CLIC2: variants seen among roughly 807,000 people sequenced by gnomAD.
The protein encoded by CLIC2 is chloride intracellular channel protein 2.
CLIC2 carries 9 observed loss-of-function variants against 14.8 expected under a neutral mutation model. The observed-to-expected ratio is 0.61, with a 90% CI of 0.37 to 1.06. The LOEUF (loss-of-function observed/expected upper bound fraction) is 1.06. Among genes scored for constraint, CLIC2 ranks in the 50% least tolerant of loss-of-function variants. The pLI is 0.01. For synonymous variants in CLIC2, 61 were observed against 66.3 expected (o/e 0.92, Z 0.39); for missense variants, 148 against 181.4 (o/e 0.82, Z 1.06).
Position 155,326,303 on chromosome X carries a change from C to T in CLIC2, c.57+8068G>A, listed in dbSNP as rs1373752758. Among the ~76,000 whole-genome samples the T allele has an allele frequency of 2.7e-5, 3 of 111,659 alleles. No homozygotes were observed. In the East Asian group the frequency reaches 8.4e-4, roughly 31 times the overall value. ...AAAATGAGCAAAGGACATGGACAGA[C>T]ATTGCACTGAAGAGGACATGCAGAT... On this transcript the variant is annotated intron_variant, in intron 1 of 5. Transcript: ENST00000369449.
At chrX:155,324,802 G>A (rs1261320291) in intron 1 of CLIC2, among the ~76,000 whole-genome samples, 7 of 111,799 alleles carry the variant, frequency 6.3e-5, no homozygotes, top group Admixed American at 9.5e-5. Flanking sequence ...CATGGCAAAA[G>A]AAACTGTCAT....
chrX:155,328,196 C>T (rs1313644366), intron 1 of CLIC2, among the ~76,000 whole-genome samples: 3 of 110,815 alleles, frequency 2.7e-5, no homozygotes, highest in African/African-American at 9.8e-5. Context: ...AAAAGGCTTC[C>T]AAATTGGAAA....
At chrX:155,305,116 A>T (rs1557319829) in intron 1 of CLIC2, among the ~76,000 whole-genome samples, 3 of 111,829 alleles carry the variant, frequency 2.7e-5, no homozygotes, top group African/African-American at 9.7e-5. Flanking sequence ...ACCCAGTTCG[A>T]GCTTCTGGGC....
intron 3 of CLIC2, chrX:155,292,725 G>T (rs5940667): frequency 0.03 from 11,981 of 394,905 alleles, 240 homozygotes; most frequent in African/African-American, 0.063. Flanking sequence ...AGCCGAGATC[G>T]CGCCACTGCA....
chrX:155,292,584 C>A (rs1175956669), intron 3 of CLIC2: 2 of 361,416 alleles, frequency 5.5e-6, no homozygotes, highest in Admixed American at 4.7e-5. Flanking sequence ...TCCTGGCTAA[C>A]ACGGTGAAAC....
At position 155,277,736 on chromosome X, in the gene CLIC2, C is replaced by A; in HGVS notation, c.*167G>T. The A allele has an allele frequency of 2.2e-6, 1 of 458,623 alleles. No individual in the cohort carries two copies. Among genetic ancestry groups the A allele is most frequent in the Non-Finnish European group, 3.7e-6 (1 of 269,466 alleles). 37.8% of individuals were successfully genotyped at this position (458,623 alleles called of 1,213,427 possible). On this transcript the variant is annotated 3_prime_UTR_variant, in exon 6 of 6. Transcript: ENST00000369449. ...TAAAAGTATGAAGACCTGTAAAATA[C>A]AGTGGACAGATTATTTATGGCTAAT...
chrX:155,292,424 C>A, intron 3 of CLIC2: 1 of 561,414 alleles, frequency 1.8e-6, no homozygotes, highest in Admixed American at 2.3e-5. Flanking sequence ...GAATTACAGA[C>A]CATTACAAAG....
intron 5 of CLIC2, among the ~76,000 whole-genome samples, chrX:155,278,500 G>T (rs1026472843): frequency 1.8e-5 from 2 of 111,867 alleles, no homozygotes; most frequent in Non-Finnish European, 3.8e-5. Context: ...AGCCCAAATT[G>T]GTTATTCCCT....
At chrX:155,329,910 A>AT in intron 1 of CLIC2, among the ~76,000 whole-genome samples, 1 of 111,545 alleles carries the variant, frequency 9.0e-6, no homozygotes, top group Non-Finnish European at 1.9e-5. Context: ...ACTGGACGTC[A>AT]TATATTACAT....
chrX:155,276,899 ACTT>A lies in CLIC2; in HGVS notation c.*1001_*1003del, dbSNP rs1557315823. 5.4e-5 allele frequency: 6 copies of A among 111,700 alleles called. No homozygotes were observed. The allele number at this position is 111,700 out of a possible 1,213,427, so 9.2% of individuals were successfully genotyped here. A position where few individuals can be genotyped will look rare whatever the true frequency, so the allele number is the denominator to read the frequency against. The stretch of plus-strand genomic sequence containing the variant: ...TTTTCTTTGAACCTATTAAAACGCT[ACTT>A]CATTTAAATTTTATCTAAACTCCAC... On this transcript the variant is annotated 3_prime_UTR_variant, in exon 6 of 6. Transcript: ENST00000369449.
intron 1 of CLIC2, among the ~76,000 whole-genome samples, chrX:155,331,210 T>C (rs1351789245): frequency 9.0e-6 from 1 of 110,824 alleles, no homozygotes; most frequent in African/African-American, 3.3e-5. Context: ...TGGAGTCTGA[T>C]AATAGATACA....
At chrX:155,279,395 T>C in intron 4 of CLIC2, 65 bp from the exon 5 acceptor site, 1 of 875,177 alleles carries the variant, frequency 1.1e-6, no homozygotes, top group African/African-American at 1.9e-5. Flanking sequence ...ACATTCTAAA[T>C]ATGCTTTCCA....
intron 1 of CLIC2, among the ~76,000 whole-genome samples, chrX:155,322,145 C>A (rs781983461): frequency 1.1e-3 from 121 of 110,273 alleles, no homozygotes; most frequent in Non-Finnish European, 1.8e-3. Context: ...AACATTAGAT[C>A]AACGAGACAG....
intron 3 of CLIC2, chrX:155,293,074 G>C (rs940623952): frequency 3.7e-5 from 23 of 617,027 alleles, no homozygotes; most frequent in Non-Finnish European, 6.2e-5. Flanking sequence ...CCCTGCTCTA[G>C]ACAGTGACGG....
intron 1 of CLIC2, among the ~76,000 whole-genome samples, chrX:155,324,402 A>G (rs111372581): frequency 2.7e-5 from 3 of 111,759 alleles, no homozygotes; most frequent in Non-Finnish European, 5.7e-5. Context: ...GCATGGTACT[A>G]GTACCAAAAC....
intron 3 of CLIC2, among the ~76,000 whole-genome samples, chrX:155,297,746 C>T (rs1199742901): frequency 1.3e-4 from 13 of 98,928 alleles, no homozygotes; most frequent in Non-Finnish European, 2.4e-4. Flanking sequence ...CCCAGCTACT[C>T]GGGAGGCTGA....
chrX:155,318,297 C>T (rs1227843014), intron 1 of CLIC2, among the ~76,000 whole-genome samples: 1 of 111,484 alleles, frequency 9.0e-6, no homozygotes, highest in African/African-American at 3.3e-5. Context: ...GTTTGTATAC[C>T]TAGAAAACTC....
At chrX:155,299,240 A>G (rs981912087) in intron 1 of CLIC2, 95 bp from the exon 2 acceptor site, 6 of 643,923 alleles carry the variant, frequency 9.3e-6, no homozygotes, top group Non-Finnish European at 1.5e-5. Flanking sequence ...AGAGACAAAC[A>G]TGGACATTCT....
chrX:155,304,413 C>A (rs1311224124), intron 1 of CLIC2, among the ~76,000 whole-genome samples: 2 of 92,326 alleles, frequency 2.2e-5, no homozygotes, highest in African/African-American at 3.8e-5. Context: ...AGTTCTCGAG[C>A]CTTGGTTTTC....
Sources: gnomAD v4.1 joint callset for allele counts (sites outside exome capture counted in the v4.1 genomes callset) on GRCh38, gnomAD v4.1.1 for gene constraint, MANE v1.5 for transcripts, NCBI Gene and HGNC (gene_info 2026-07-23, HGNC 2026-07-21) for gene names.